The following C5orf52 variants were observed in gnomAD, a reference collection of about 807,000 sequenced individuals.
The protein encoded by C5orf52 is chromosome 5 open reading frame 52, also known as uncharacterized protein C5orf52.
A neutral mutation model predicts 16.8 loss-of-function variants in C5orf52; 15 were observed. The ratio of observed to expected loss-of-function variants is 0.89; its 90% confidence interval spans 0.60 to 1.38. C5orf52 has a LOEUF of 1.38. Ranked by LOEUF, C5orf52 falls within the 40% of genes most tolerant of loss-of-function variation. The pLI, the probability that C5orf52 is intolerant of heterozygous loss-of-function variation, is 0.00. For missense variants in C5orf52, 206 were observed against 213.1 expected, an observed-to-expected ratio of 0.97 and a Z score of 0.21; for synonymous variants, 83 against 87.2, an observed-to-expected ratio of 0.95 and a Z score of 0.27.
intron 1 of C5orf52, among the ~76,000 whole-genome samples, chr5:157,674,634 GGCGAGTGCCT>G (rs1333359200): frequency 6.6e-6 from 1 of 152,172 alleles, no homozygotes; most frequent in Non-Finnish European, 1.5e-5. Context: ...CAGGCATGGT[GGCGAGTGCCT>G]GTAGTGCCAG....
In C5orf52 at chr5:157,671,702, A is replaced by G. The variant is rs1411589477; in HGVS notation, c.88A>G (p.Ser30Gly). 1.9e-6 allele frequency: 3 copies of G among 1,551,252 alleles called. No homozygotes were observed. The highest frequency in any genetic ancestry group is 1.7e-6 in the Non-Finnish European group (2 of 1,146,888). Residue 30 changes from serine to glycine, a missense_variant, in exon 1 of 3, where the codon AGC (serine) becomes GGC (glycine). Coordinates refer to ENST00000409999, the MANE Select transcript of C5orf52 (RefSeq NM_001145132.2). ...GTAAQATTSS[S>G]ATSGSNYQRD... ...CGCCGCCCAGGCGACCACCAGTTCCAGCGCCACCTCGGGTTCGAACTACCA... is the reference window on the plus strand; with the variant it reads ...CGCCGCCCAGGCGACCACCAGTTCCGGCGCCACCTCGGGTTCGAACTACCA...
At chr5:157,678,229 C>T (rs935945365) in intron 2 of C5orf52, among the ~76,000 whole-genome samples, 35 of 152,152 alleles carry the variant, frequency 2.3e-4, no homozygotes, top group African/African-American at 7.7e-4. Flanking sequence ...CTCTTTAATT[C>T]CTCATGTCAA....
rs1289574955 is a variant in C5orf52, at chr5:157,679,942, A to G, written c.423A>G (p.Arg141=). ...TEQLRKLGRW[R]EESVNSNRYL... Reference sequence around the variant, plus strand: ...AGCTCAGAAAGCTCGGGCGATGGAGAGAGGAATCCGTGAACAGCAACCGGT... The same window carrying G: ...AGCTCAGAAAGCTCGGGCGATGGAGGGAGGAATCCGTGAACAGCAACCGGT... The change falls in exon 3 of 3, where the codon AGA becomes AGG. Residue 141 remains arginine, a synonymous_variant. Transcript: ENST00000409999. 1 of 1,551,742 alleles carries G rather than the reference A, an allele frequency of 6.4e-7. No individual in the cohort carries two copies. Among genetic ancestry groups the G allele is most frequent in the Non-Finnish European group, 8.7e-7 (1 of 1,147,000 alleles).
chr5:157,677,406 C>A (rs187965715), intron 2 of C5orf52, among the ~76,000 whole-genome samples: 1 of 151,996 alleles, frequency 6.6e-6, no homozygotes, highest in Admixed American at 6.6e-5. Flanking sequence ...TGGTGGCTCA[C>A]GCACTTTGGA....
intron 2 of C5orf52, 137 bp downstream of exon 2, chr5:157,675,337 G>A (rs975293308): frequency 1.2e-5 from 7 of 595,718 alleles, no homozygotes; most frequent in Non-Finnish European, 2.1e-5. Flanking sequence ...CCATTTTACA[G>A]AGGAGGCAAT....
chr5:157,673,344 T>C (rs1292611016), intron 1 of C5orf52, among the ~76,000 whole-genome samples: 1 of 128,484 alleles, frequency 7.8e-6, no homozygotes, highest in Non-Finnish European at 1.6e-5. Context: ...CTCAAAGAAA[T>C]AAAAATAAAA....
At chr5:157,674,314 C>A (rs1370201276) in intron 1 of C5orf52, among the ~76,000 whole-genome samples, 1 of 152,114 alleles carries the variant, frequency 6.6e-6, no homozygotes, top group Non-Finnish European at 1.5e-5. Context: ...TCCCCCAACC[C>A]CCCACCTCCC....
intron 2 of C5orf52, among the ~76,000 whole-genome samples, chr5:157,677,483 C>G (rs192379549): frequency 6.6e-6 from 1 of 151,936 alleles, no homozygotes; most frequent in Non-Finnish European, 1.5e-5. Flanking sequence ...CGGAGAAACC[C>G]CTCTCTACTA....
chr5:157,673,963 A>G (rs1235668155), intron 1 of C5orf52, among the ~76,000 whole-genome samples: 1 of 152,166 alleles, frequency 6.6e-6, no homozygotes, highest in Non-Finnish European at 1.5e-5. Flanking sequence ...ATTATTTTTA[A>G]ATGGACAAAA....
chr5:157,672,559 A>C (rs7703477), intron 1 of C5orf52, among the ~76,000 whole-genome samples: 76,469 of 151,724 alleles, frequency 0.5, 22,282 homozygotes, highest in African/African-American at 0.82. Context: ...ACAACAACAA[A>C]AAAAAACCAG....
intron 2 of C5orf52, among the ~76,000 whole-genome samples, chr5:157,676,907 T>C (rs1759906406): frequency 6.6e-6 from 1 of 151,024 alleles, no homozygotes; most frequent in African/African-American, 2.4e-5. Context: ...CTCACTCTTT[T>C]GCTCAGGCTG....
At chr5:157,671,906 C>T in intron 1 of C5orf52, 80 bp downstream of exon 1, 1 of 974,206 alleles carries the variant, frequency 1.0e-6, no homozygotes, top group Non-Finnish European at 1.5e-6. Flanking sequence ...TCGCGCTCCC[C>T]TTAGCCGGAC....
intron 2 of C5orf52, among the ~76,000 whole-genome samples, chr5:157,676,079 C>A (rs940507032): frequency 1.3e-5 from 2 of 152,008 alleles, no homozygotes; most frequent in East Asian, 3.9e-4. Flanking sequence ...CTGCCACCTT[C>A]TTTTCTTTTT....
rs992114525 is a variant in C5orf52 at position 157,671,762 on chromosome 5, G to A, written c.148G>A (p.Val50Ile). 22 of 1,550,746 alleles carry A rather than the reference G, an allele frequency of 1.4e-5. No individual in the cohort carries two copies. The highest frequency in any genetic ancestry group is 1.7e-5 in the Non-Finnish European group (20 of 1,146,730). ...DRLGRRPEIG[V>I]GGQPQICFPR... Reference sequence around the variant, plus strand: ...ACTCGGCCGCCGCCCAGAAATCGGCGTAGGGGGTCAGCCGCAGATCTGCTT... The same window carrying A: ...ACTCGGCCGCCGCCCAGAAATCGGCATAGGGGGTCAGCCGCAGATCTGCTT... Residue 50 changes from valine (V) to isoleucine (I), a missense_variant, in exon 1 of 3, where the codon GTA becomes ATA. By Grantham distance (29) the Val-to-Ile change is conservative. Transcript: ENST00000409999.
At chr5:157,671,862 T>G (rs1222924394) in intron 1 of C5orf52, 36 bp downstream of exon 1, 1 of 1,384,920 alleles carries the variant, frequency 7.2e-7, no homozygotes, top group African/African-American at 1.5e-5. Flanking sequence ...CGTCAGACCC[T>G]CGGACCCGCG....
At position 157,680,148 on chromosome 5, in the gene C5orf52, A is replaced by G. The variant is rs1464554763; in HGVS notation, c.*149A>G. On this transcript the variant is annotated 3_prime_UTR_variant, in exon 3 of 3. Transcript: ENST00000409999. ...ATAAACAGAAACCAGCAGACAGCGG[A>G]GCATAATAAATCCTCAGCAATCCTC... is the stretch of plus-strand genomic sequence containing the variant. The G allele has an allele frequency of 2.8e-6, 2 of 725,638 alleles. No homozygotes were observed. The highest frequency in any genetic ancestry group is 4.5e-6 in the Non-Finnish European group (2 of 446,058). The allele number at this position is 725,638 out of a possible 1,614,324, so 44.9% of individuals were successfully genotyped here.
chr5:157,675,097 T>G lies in C5orf52; in HGVS notation c.218T>G (p.Met73Arg). ...SAQQPVLFSLMNSSEAAMKKT... is the reference protein window; with the variant it reads ...SAQQPVLFSLRNSSEAAMKKT... ...CCTTTCCCTCCCTGCTCCAGCTTAA[T>G]GAATTCCAGTGAAGCAGCGATGAAA... The change falls in exon 2 of 3, where the codon ATG becomes AGG. Residue 73 changes from methionine (M) to arginine (R), a missense_variant. Coordinates refer to ENST00000409999, the MANE Select transcript of C5orf52 (RefSeq NM_001145132.2). 1 of 1,549,276 alleles carries G rather than the reference T, an allele frequency of 6.5e-7. No homozygotes were observed. Among genetic ancestry groups the G allele is most frequent in the Non-Finnish European group, 8.7e-7 (1 of 1,144,736 alleles).
intron 1 of C5orf52, among the ~76,000 whole-genome samples, chr5:157,673,754 C>T (rs1321857121): frequency 6.6e-6 from 1 of 152,022 alleles, no homozygotes; most frequent in Non-Finnish European, 1.5e-5. Context: ...ATGTGATTCT[C>T]CTGCCCCAGC....
chr5:157,674,411 C>T (rs1431729954), intron 1 of C5orf52, among the ~76,000 whole-genome samples: 1 of 152,156 alleles, frequency 6.6e-6, no homozygotes, highest in Non-Finnish European at 1.5e-5. Context: ...TACCCTACAA[C>T]TTTACTCCTC....
Sources: gnomAD v4.1 joint callset for allele counts (sites outside exome capture counted in the v4.1 genomes callset) on GRCh38, gnomAD v4.1.1 for gene constraint, MANE v1.5 for transcripts, NCBI Gene and HGNC (gene_info 2026-07-23, HGNC 2026-07-21) for gene names.